MAPKAP1: variants seen among roughly 807,000 people sequenced by gnomAD.
MAPKAP1 encodes the protein MAPK associated protein 1, also known as target of rapamycin complex 2 subunit MAPKAP1.
Under a neutral mutation model 65.7 loss-of-function variants are expected in MAPKAP1, and 20 were observed. The ratio of observed to expected loss-of-function variants is 0.30; its 90% CI spans 0.21 to 0.44. The LOEUF is 0.44. Among genes scored for constraint, MAPKAP1 ranks in the 20% least tolerant of loss-of-function variants. MAPKAP1 has a pLI of 1.00. For synonymous variants in MAPKAP1, 222 were observed against 244.3 expected (o/e 0.91, Z 0.85); for missense variants, 423 against 648.0 (o/e 0.65, Z 3.77).
intron 6 of MAPKAP1, among the ~76,000 whole-genome samples, chr9:125,543,442 A>ATTT (rs751120452): frequency 7.7e-4 from 104 of 134,566 alleles, no homozygotes; most frequent in Middle Eastern, 3.7e-3. Context: ...AATTTTTTGT[A>ATTT]TTTTTTTTTT....
chr9:125,541,590 C>T (rs923367324), intron 7 of MAPKAP1, among the ~76,000 whole-genome samples: 10 of 152,104 alleles, frequency 6.6e-5, no homozygotes, highest in South Asian at 2.1e-4. Context: ...CACCTGGAAC[C>T]CCAAAATATC....
intron 1 of MAPKAP1, among the ~76,000 whole-genome samples, chr9:125,678,531 C>A (rs1160602511): frequency 2.0e-5 from 3 of 152,156 alleles, no homozygotes; most frequent in Non-Finnish European, 2.9e-5. Context: ...CGTGAGCCAC[C>A]GCGCCCGGCC....
chr9:125,463,801 T>C (rs998763857), intron 10 of MAPKAP1, among the ~76,000 whole-genome samples: 1 of 152,254 alleles, frequency 6.6e-6, no homozygotes, highest in Admixed American at 6.5e-5. Context: ...CTATGCTTAA[T>C]TGAGATACAG....
intron 1 of MAPKAP1, among the ~76,000 whole-genome samples, chr9:125,687,124 C>CTTT (rs528933268): frequency 2.3e-5 from 3 of 133,324 alleles, no homozygotes; most frequent in Non-Finnish European, 3.3e-5. Context: ...CCATGCCCAT[C>CTTT]TTTTTTTTTT....
intron 10 of MAPKAP1, among the ~76,000 whole-genome samples, chr9:125,464,462 T>C (rs909441401): frequency 2.0e-4 from 31 of 152,222 alleles, no homozygotes; most frequent in African/African-American, 7.0e-4. Flanking sequence ...GCATGTTTTT[T>C]TTCTCCTTAA....
intron 5 of MAPKAP1, among the ~76,000 whole-genome samples, chr9:125,571,101 G>A (rs988632677): frequency 1.3e-5 from 2 of 152,160 alleles, no homozygotes; most frequent in African/African-American, 4.8e-5. Context: ...ATTATCAAAT[G>A]TAAAATGGTG....
intron 1 of MAPKAP1, among the ~76,000 whole-genome samples, chr9:125,679,691 C>T (rs1242184387): frequency 1.3e-5 from 2 of 152,114 alleles, no homozygotes; most frequent in East Asian, 1.9e-4. Context: ...TAACTCACTA[C>T]AAGCAAACAA....
intron 5 of MAPKAP1, among the ~76,000 whole-genome samples, chr9:125,566,486 C>T (rs1338469888): frequency 6.6e-6 from 1 of 152,084 alleles, no homozygotes; most frequent in Non-Finnish European, 1.5e-5. Flanking sequence ...ATAGCTTGAG[C>T]CTGGGAGGAT....
chr9:125,475,112 A>C (rs1589221952), intron 9 of MAPKAP1, among the ~76,000 whole-genome samples: 1 of 152,270 alleles, frequency 6.6e-6, no homozygotes, highest in Admixed American at 6.5e-5. Context: ...TGGGGTTTTC[A>C]TTCTCCATAT....
At chr9:125,553,167 G>A (rs1830633168) in intron 6 of MAPKAP1, among the ~76,000 whole-genome samples, 1 of 152,068 alleles carries the variant, frequency 6.6e-6, no homozygotes, top group African/African-American at 2.4e-5. Flanking sequence ...ACCCACCTGG[G>A]GAGCCCTGAG....
chr9:125,698,533 G>A (rs1466937399), intron 1 of MAPKAP1, among the ~76,000 whole-genome samples: 1 of 150,942 alleles, frequency 6.6e-6, no homozygotes, highest in African/African-American at 2.4e-5. Flanking sequence ...GTAGAGACAG[G>A]GTTTCGCCAT....
At chr9:125,583,405 C>T (rs759468352) in intron 5 of MAPKAP1, among the ~76,000 whole-genome samples, 1 of 152,182 alleles carries the variant, frequency 6.6e-6, no homozygotes, top group Admixed American at 6.5e-5. Flanking sequence ...TACCTATTTA[C>T]CTTAAACAGA....
At chr9:125,592,004 A>G (rs1831980564) in intron 4 of MAPKAP1, among the ~76,000 whole-genome samples, 1 of 152,244 alleles carries the variant, frequency 6.6e-6, no homozygotes, top group South Asian at 2.1e-4. Flanking sequence ...GAAGCGGGCA[A>G]CACAGAGAAA....
At chr9:125,440,566 C>T (rs557895353) in intron 11 of MAPKAP1, among the ~76,000 whole-genome samples, 7 of 152,188 alleles carry the variant, frequency 4.6e-5, no homozygotes, top group Non-Finnish European at 8.8e-5. Flanking sequence ...CTGCTGACTC[C>T]GAGAAGGAAC....
intron 6 of MAPKAP1, among the ~76,000 whole-genome samples, chr9:125,550,422 G>C (rs1261793289): frequency 1.3e-5 from 2 of 152,168 alleles, no homozygotes; most frequent in Non-Finnish European, 2.9e-5. Context: ...CCCCGACTTT[G>C]AAGACACATA....
At chr9:125,506,101 C>T (rs1829131326) in intron 8 of MAPKAP1, 6 of 610,032 alleles carry the variant, frequency 9.8e-6, no homozygotes, top group Admixed American at 2.4e-5. Flanking sequence ...TCACAGAGTG[C>T]TAAACAGGAT....
At position 125,480,788 on chromosome 9, in the gene MAPKAP1, T is replaced by C. The variant is rs866193441; in HGVS notation, c.1207+3655A>G. Among the ~76,000 whole-genome samples the C allele has an allele frequency of 3.0e-4, 46 of 151,238 alleles. 1 individual carries two copies. Among genetic ancestry groups the C allele is most frequent in the South Asian group, 1.5e-3 (7 of 4,784 alleles). ...GAGATCGAGACCATCCTGGCTAACA[T>C]GGTGAAACCCCGTCTCTACTAAAAA... On this transcript the variant is annotated intron_variant, in intron 9 of 11. Transcript: ENST00000265960.
At chr9:125,616,920 T>C (rs940861211) in intron 4 of MAPKAP1, among the ~76,000 whole-genome samples, 2 of 152,164 alleles carry the variant, frequency 1.3e-5, no homozygotes, top group African/African-American at 4.8e-5. Context: ...AAAATAGAAT[T>C]GATTAGAATA....
chr9:125,473,707 G>C (rs1424469040), intron 9 of MAPKAP1, among the ~76,000 whole-genome samples: 1 of 152,168 alleles, frequency 6.6e-6, no homozygotes. Context: ...CGCCCACTCT[G>C]GGTAGCCCCC....
Sources: gnomAD v4.1 joint callset for allele counts (sites outside exome capture counted in the v4.1 genomes callset) on GRCh38, gnomAD v4.1.1 for gene constraint, MANE v1.5 for transcripts, NCBI Gene and HGNC (gene_info 2026-07-23, HGNC 2026-07-21) for gene names.